Variants in GNG4 observed in about 807,000 individuals in gnomAD.
GNG4 encodes the protein guanine nucleotide-binding protein G(I)/G(S)/G(O) subunit gamma-4.
Under a neutral mutation model 5.8 loss-of-function variants are expected in GNG4, and 4 were observed. The observed-to-expected ratio is 0.69, with a 90% confidence interval of 0.34 to 1.57. The LOEUF is 1.57. Among genes scored for constraint, GNG4 ranks in the 40% most tolerant of loss-of-function variants. GNG4 has a pLI of 0.06. For missense variants in GNG4, 96 were observed against 95.1 expected, an observed-to-expected ratio of 1.01 and a Z score of -0.04; for synonymous variants, 29 against 32.9, an observed-to-expected ratio of 0.88 and a Z score of 0.41.
Position 235,552,250 on chromosome 1 carries a change from A to G in GNG4, c.100-13T>C. ...CTGCCTGGGAGACCTGTGAGGGCAC[A>G]GAGCACAGGTGCTCAGTTAAAGGCC... On this transcript the variant is annotated splice_polypyrimidine_tract_variant and intron_variant, in intron 3 of 3. Transcript: ENST00000391854. 6.2e-7 allele frequency: 1 copy of G among 1,613,448 alleles called. No individual in the cohort carries two copies. Among genetic ancestry groups the G allele is most frequent in the Non-Finnish European group, 8.5e-7 (1 of 1,179,586 alleles).
intron 2 of GNG4, among the ~76,000 whole-genome samples, chr1:235,593,894 A>G (rs1688055713): frequency 6.6e-6 from 1 of 152,128 alleles, no homozygotes; most frequent in Non-Finnish European, 1.5e-5. Context: ...GCAAAGAGCA[A>G]AAGAACAAAG....
intron 1 of GNG4, among the ~76,000 whole-genome samples, chr1:235,641,458 A>C (rs1657326337): frequency 6.6e-6 from 1 of 152,190 alleles, no homozygotes; most frequent in South Asian, 2.1e-4. Flanking sequence ...TGGGAGGCCG[A>C]GGCAGGCGGA....
At position 235,642,841 on chromosome 1, in the gene GNG4, G is replaced by A. The variant is rs962984443; in HGVS notation, c.-123+6821C>T. Among the ~76,000 whole-genome samples the A allele has an allele frequency of 6.6e-6, 1 of 152,082 alleles. No individual in the cohort carries two copies. ...GCCAGACCTCTGCTCAGCTCTGCAC[G>A]TACATGCCCCCTCGATGTCACCTCC... On this transcript the variant is annotated intron_variant, in intron 1 of 3. Transcript: ENST00000391854. This position sits in a 1 kb window ranked among gnomAD's most constrained non-coding sequence, Gnocchi z 4.3.
At chr1:235,627,315 T>C (rs6696722) in intron 1 of GNG4, among the ~76,000 whole-genome samples, 87,526 of 151,224 alleles carry the variant, frequency 0.58, 27,600 homozygotes, top group African/African-American at 0.82. Flanking sequence ...CTCCGCCTTC[T>C]GGGTTCAAGC....
intron 1 of GNG4, among the ~76,000 whole-genome samples, chr1:235,635,444 T>C (rs1689014732): frequency 6.6e-6 from 1 of 151,684 alleles, no homozygotes; most frequent in African/African-American, 2.4e-5. Flanking sequence ...TGCAGTGAGC[T>C]GAGATCGCAC....
intron 1 of GNG4, among the ~76,000 whole-genome samples, chr1:235,631,701 G>A (rs1281777350): frequency 6.6e-6 from 1 of 151,914 alleles, no homozygotes; most frequent in Admixed American, 6.6e-5. Flanking sequence ...CCAAGTAGCT[G>A]GGATTACAGG....
intron 1 of GNG4, among the ~76,000 whole-genome samples, chr1:235,628,301 C>T (rs1472784720): frequency 1.3e-5 from 2 of 151,958 alleles, no homozygotes; most frequent in African/African-American, 4.8e-5. Context: ...TTCAGAGTAT[C>T]GGAGGAAAAT....
At chr1:235,595,776 T>C (rs1688108125) in intron 1 of GNG4, among the ~76,000 whole-genome samples, 1 of 152,166 alleles carries the variant, frequency 6.6e-6, no homozygotes, top group Non-Finnish European at 1.5e-5. Context: ...CCCTGGACCC[T>C]GCAAACCTTC....
intron 3 of GNG4, among the ~76,000 whole-genome samples, chr1:235,574,900 CT>C (rs1558480683): frequency 2.6e-5 from 4 of 152,310 alleles, no homozygotes; most frequent in African/African-American, 9.6e-5. Context: ...TCTCAGCTCA[CT>C]GCAACCTCCA....
chr1:235,582,658 C>G (rs1255435396), intron 3 of GNG4, among the ~76,000 whole-genome samples: 1 of 152,228 alleles, frequency 6.6e-6, no homozygotes, highest in Non-Finnish European at 1.5e-5. Context: ...GGGTTCTAAA[C>G]TTGCTCCCTC....
chr1:235,583,688 T>G, intron 3 of GNG4, 52 bp downstream of exon 3: 1 of 1,151,746 alleles, frequency 8.7e-7, no homozygotes, highest in Non-Finnish European at 1.3e-6. Flanking sequence ...GCAGGAGGAA[T>G]GTTTTGAGCT....
intron 3 of GNG4, among the ~76,000 whole-genome samples, chr1:235,579,419 A>ACC (rs78042066): frequency 0.26 from 38,500 of 149,516 alleles, 6,862 homozygotes; most frequent in African/African-American, 0.5. Flanking sequence ...TAAAAAAAAA[A>ACC]AAGTAAATAC....
At chr1:235,586,255 C>G (rs893892455) in intron 2 of GNG4, among the ~76,000 whole-genome samples, 1 of 152,182 alleles carries the variant, frequency 6.6e-6, no homozygotes, top group East Asian at 1.9e-4. Context: ...TCCCCTTCAT[C>G]CCCCACTCAG....
At chr1:235,619,184 C>CATAT (rs201225591) in intron 1 of GNG4, among the ~76,000 whole-genome samples, 5,061 of 69,608 alleles carry the variant, frequency 0.073, 336 homozygotes, top group African/African-American at 0.31. Flanking sequence ...TATACACACA[C>CATAT]ATATATATAC....
intron 3 of GNG4, among the ~76,000 whole-genome samples, chr1:235,568,035 G>A (rs746788214): frequency 1.8e-4 from 27 of 152,074 alleles, no homozygotes; most frequent in Non-Finnish European, 1.0e-4. Flanking sequence ...GTAACTGCAC[G>A]AACCCCCTCC....
chr1:235,572,050 G>C (rs1293774632), intron 3 of GNG4, among the ~76,000 whole-genome samples: 1 of 152,006 alleles, frequency 6.6e-6, no homozygotes, highest in Non-Finnish European at 1.5e-5. Flanking sequence ...TGCCCAGCCT[G>C]GTTTCAAACT....
intron 1 of GNG4, among the ~76,000 whole-genome samples, chr1:235,607,505 A>G (rs1440267902): frequency 6.6e-6 from 1 of 152,236 alleles, no homozygotes; most frequent in Non-Finnish European, 1.5e-5. Flanking sequence ...GCAGCCGCCT[A>G]CAGCGGAAAG....
chr1:235,615,096 C>T (rs917977128), intron 1 of GNG4: 5 of 152,136 alleles, frequency 3.3e-5, no homozygotes, highest in African/African-American at 9.7e-5. Flanking sequence ...ATGCATAGAT[C>T]GAAGAGGGGA....
At chr1:235,555,829 T>A (rs984453795) in intron 3 of GNG4, among the ~76,000 whole-genome samples, 1 of 152,090 alleles carries the variant, frequency 6.6e-6, no homozygotes, top group Non-Finnish European at 1.5e-5. Flanking sequence ...CCTCACATAC[T>A]TTTTTTGTGG....
Sources: gnomAD v4.1 joint callset for allele counts (sites outside exome capture counted in the v4.1 genomes callset) on GRCh38, gnomAD v4.1.1 for gene constraint, Gnocchi (gnomAD v3.1) non-coding constraint, MANE v1.5 for transcripts, NCBI Gene and HGNC (gene_info 2026-07-23, HGNC 2026-07-21) for gene names.